The following SNX24 variants were observed in gnomAD, a reference collection of about 807,000 sequenced individuals.
SNX24 encodes the protein sorting nexin-24.
A neutral mutation model predicts 28.7 loss-of-function variants in SNX24; 22 were observed. The ratio of observed to expected loss-of-function variants is 0.77; its 90% CI spans 0.55 to 1.10. The LOEUF is 1.10. SNX24 is among the 50% of genes least tolerant of loss of function. The pLI is 0.00. For missense variants in SNX24, 221 were observed against 201.1 expected (o/e 1.10, Z -0.60); for synonymous variants, 69 against 71.5 (o/e 0.96, Z 0.18).
At chr5:122,895,660 G>T (rs1472526151) in intron 1 of SNX24, among the ~76,000 whole-genome samples, 2 of 152,220 alleles carry the variant, frequency 1.3e-5, no homozygotes, top group Non-Finnish European at 2.9e-5. Context: ...AGCAGCTGCT[G>T]CTTCTCCAGG....
chr5:122,858,865 C>T (rs774856336), intron 1 of SNX24, among the ~76,000 whole-genome samples: 10 of 152,140 alleles, frequency 6.6e-5, no homozygotes, highest in Non-Finnish European at 1.0e-4. Flanking sequence ...TTAAATGTCT[C>T]ACTATTTCAG....
chr5:122,949,973 T>C (rs1197823156), intron 3 of SNX24, among the ~76,000 whole-genome samples: 3 of 152,180 alleles, frequency 2.0e-5, no homozygotes, highest in Non-Finnish European at 4.4e-5. Flanking sequence ...TTTCCTAGAA[T>C]CATTTTCTGT....
intron 2 of SNX24, among the ~76,000 whole-genome samples, chr5:122,943,488 T>C (rs1759549610): frequency 6.6e-6 from 1 of 152,224 alleles, no homozygotes; most frequent in Non-Finnish European, 1.5e-5. Context: ...CCCCCAGTGA[T>C]TGCCCTGCTT....
chr5:122,883,392 T>A (rs1554069156), intron 1 of SNX24, among the ~76,000 whole-genome samples: 1 of 152,232 alleles, frequency 6.6e-6, no homozygotes, highest in Non-Finnish European at 1.5e-5. Flanking sequence ...TTTATTAATA[T>A]ATGATTATAG....
intron 5 of SNX24, among the ~76,000 whole-genome samples, chr5:123,015,493 T>C (rs1227058449): frequency 6.6e-6 from 1 of 152,164 alleles, no homozygotes; most frequent in Non-Finnish European, 1.5e-5. Flanking sequence ...CCTAAGCTAA[T>C]TCAGTGTTTA....
intron 1 of SNX24, chr5:122,891,158 T>TTTTTTTG (rs1308254911): frequency 2.1e-6 from 3 of 1,426,224 alleles, no homozygotes; most frequent in Admixed American, 5.9e-5. Flanking sequence ...TTACCTAGTG[T>TTTTTTTG]TTTTTTGTTT....
intron 3 of SNX24, among the ~76,000 whole-genome samples, chr5:122,985,036 G>A (rs1028261312): frequency 6.6e-6 from 1 of 152,152 alleles, no homozygotes; most frequent in African/African-American, 2.4e-5. Context: ...GGACTTCTTT[G>A]GGTAGCAGAG....
At chr5:122,949,354 C>T (rs920938246) in intron 3 of SNX24, among the ~76,000 whole-genome samples, 1 of 152,042 alleles carries the variant, frequency 6.6e-6, no homozygotes, top group Non-Finnish European at 1.5e-5. Flanking sequence ...GTTTTAGCAT[C>T]TCTATTCAAT....
intron 5 of SNX24, among the ~76,000 whole-genome samples, chr5:123,026,155 A>G (rs1762849863): frequency 6.6e-6 from 1 of 152,226 alleles, no homozygotes; most frequent in Admixed American, 6.5e-5. Context: ...ACAGGGCACT[A>G]GGGCCTAAAA....
At chr5:122,893,815 G>A (rs1757085071) in intron 1 of SNX24, among the ~76,000 whole-genome samples, 1 of 152,084 alleles carries the variant, frequency 6.6e-6, no homozygotes, top group African/African-American at 2.4e-5. Context: ...AGGCCAAGGC[G>A]GGCGATCACT....
chr5:122,912,925 A>G (rs1198677218), intron 1 of SNX24, among the ~76,000 whole-genome samples: 1 of 152,002 alleles, frequency 6.6e-6, no homozygotes, highest in Non-Finnish European at 1.5e-5. Flanking sequence ...CTTAAGGAGC[A>G]TGCTGCCTTC....
chr5:122,967,348 C>A (rs1413914068), intron 3 of SNX24, among the ~76,000 whole-genome samples: 1 of 152,132 alleles, frequency 6.6e-6, no homozygotes, highest in Non-Finnish European at 1.5e-5. Context: ...CATCAGTTTT[C>A]CTCAGTAGAC....
intron 3 of SNX24, among the ~76,000 whole-genome samples, chr5:122,953,768 A>G (rs998152799): frequency 1.3e-5 from 2 of 152,194 alleles, no homozygotes. Context: ...TGAGAATAAT[A>G]GTTCTTGTTT....
intron 1 of SNX24, among the ~76,000 whole-genome samples, 196 bp from the exon 2 acceptor site, chr5:122,936,538 A>C (rs941975429): frequency 9.9e-5 from 15 of 152,060 alleles, no homozygotes; most frequent in African/African-American, 2.9e-4. Context: ...GGAGGATGTC[A>C]CACTTTGTTA....
intron 3 of SNX24, among the ~76,000 whole-genome samples, chr5:122,957,856 A>AT (rs1581796847): frequency 6.6e-6 from 1 of 152,114 alleles, no homozygotes; most frequent in African/African-American, 2.4e-5. Flanking sequence ...AATGTAATTG[A>AT]TTTTTATGTA....
intron 1 of SNX24, among the ~76,000 whole-genome samples, chr5:122,917,941 A>G (rs1219665924): frequency 1.3e-5 from 2 of 152,076 alleles, no homozygotes; most frequent in Non-Finnish European, 2.9e-5. Context: ...TTAGCCGGGC[A>G]TGGTGGTGGG....
intron 1 of SNX24, among the ~76,000 whole-genome samples, chr5:122,900,458 T>C (rs1757388294): frequency 6.6e-6 from 1 of 152,070 alleles, no homozygotes; most frequent in Non-Finnish European, 1.5e-5. Context: ...CATGTAAAAA[T>C]GGTGTGGTAT....
At chr5:122,965,505 A>G (rs755667626) in intron 3 of SNX24, 16 of 454,308 alleles carry the variant, frequency 3.5e-5, no homozygotes, top group African/African-American at 2.4e-4. Flanking sequence ...ATTTGGAGAA[A>G]AGATAATTGT....
intron 1 of SNX24, among the ~76,000 whole-genome samples, chr5:122,865,438 C>G (rs1021001800): frequency 3.3e-5 from 5 of 152,208 alleles, no homozygotes; most frequent in African/African-American, 1.2e-4. Flanking sequence ...TCAAGTGATT[C>G]TCGTGCCTCA....
Sources: allele counts gnomAD v4.1 joint callset (sites outside exome capture counted in the v4.1 genomes callset), GRCh38; gene constraint gnomAD v4.1.1; transcripts MANE v1.5; gene names NCBI Gene and HGNC (gene_info 2026-07-23, HGNC 2026-07-21).